The following GRID2 variants were observed in gnomAD, a reference collection of about 807,000 sequenced individuals.
GRID2 encodes glutamate receptor ionotropic, delta-2.
Under a neutral mutation model 114.8 loss-of-function variants are expected in GRID2, and 33 were observed. The observed-to-expected ratio is 0.29, with a 90% CI of 0.22 to 0.38. GRID2 has a LOEUF of 0.38. GRID2 is among the 10% of genes least tolerant of loss of function. The pLI, the probability that GRID2 is intolerant of heterozygous loss-of-function variation, is 1.00. For missense variants in GRID2, 1,184 were observed against 1,257.7 expected, an observed-to-expected ratio of 0.94 and a Z score of 0.89; for synonymous variants, 505 against 449.9, an observed-to-expected ratio of 1.12 and a Z score of -1.55.
At chr4:93,009,857 G>T (rs1023477086) in intron 2 of GRID2, among the ~76,000 whole-genome samples, 3 of 151,960 alleles carry the variant, frequency 2.0e-5, no homozygotes, top group Non-Finnish European at 4.4e-5. Context: ...ATTCAAGGTG[G>T]TGCCCTGATT....
intron 2 of GRID2, among the ~76,000 whole-genome samples, chr4:92,747,008 T>A (rs1737180248): frequency 6.6e-6 from 1 of 152,022 alleles, no homozygotes. Context: ...TTACTAAACA[T>A]ATAGAGAATT....
At chr4:93,424,806 A>C (rs1347058850) in intron 10 of GRID2, among the ~76,000 whole-genome samples, 2 of 152,088 alleles carry the variant, frequency 1.3e-5, no homozygotes, top group Non-Finnish European at 2.9e-5. Flanking sequence ...TATTCAAGTT[A>C]GATCACTTAA....
At chr4:93,256,700 C>G (rs1749634404) in intron 8 of GRID2, among the ~76,000 whole-genome samples, 1 of 151,762 alleles carries the variant, frequency 6.6e-6, no homozygotes, top group Middle Eastern at 3.4e-3. Flanking sequence ...TAGACATCAT[C>G]CACTTGAGAA....
At chr4:92,538,807 C>G (rs532489116) in intron 1 of GRID2, among the ~76,000 whole-genome samples, 2 of 152,084 alleles carry the variant, frequency 1.3e-5, no homozygotes, top group Non-Finnish European at 2.9e-5. Context: ...TGGTGAGTGT[C>G]ATTATTAAAA....
chr4:92,653,509 CT>C (rs1272012490), intron 2 of GRID2, among the ~76,000 whole-genome samples: 1 of 151,852 alleles, frequency 6.6e-6, no homozygotes, highest in African/African-American at 2.4e-5. Context: ...TGGTTTTCCC[CT>C]ATTATCTTGG....
At chr4:92,565,963 G>A (rs147247871) in intron 1 of GRID2, among the ~76,000 whole-genome samples, 2 of 152,076 alleles carry the variant, frequency 1.3e-5, no homozygotes, top group African/African-American at 4.8e-5. Flanking sequence ...GTATCACAAA[G>A]AAGAAATCAA....
chr4:92,969,300 AACT>A (rs1753347577), intron 2 of GRID2, among the ~76,000 whole-genome samples: 1 of 151,758 alleles, frequency 6.6e-6, no homozygotes, highest in Non-Finnish European at 1.5e-5. Flanking sequence ...TGAACAATCC[AACT>A]ATAGATAAAG....
At chr4:93,720,002 T>C (rs1310024707) in intron 14 of GRID2, among the ~76,000 whole-genome samples, 1 of 152,196 alleles carries the variant, frequency 6.6e-6, no homozygotes, top group African/African-American at 2.4e-5. Context: ...CCCACCTTAT[T>C]TTTTGATGAA....
At chr4:92,951,112 A>G (rs1465477163) in intron 2 of GRID2, among the ~76,000 whole-genome samples, 2 of 152,088 alleles carry the variant, frequency 1.3e-5, no homozygotes, top group African/African-American at 2.4e-5. Flanking sequence ...CACACTATCT[A>G]TTAGAAGTAC....
At chr4:92,653,831 C>A (rs1732098330) in intron 2 of GRID2, among the ~76,000 whole-genome samples, 1 of 152,050 alleles carries the variant, frequency 6.6e-6, no homozygotes, top group Admixed American at 6.6e-5. Flanking sequence ...ATGAAAGCTG[C>A]CCTTTGTAAT....
chr4:93,013,694 T>A (rs1722407996), intron 2 of GRID2, among the ~76,000 whole-genome samples: 1 of 152,030 alleles, frequency 6.6e-6, no homozygotes, highest in Non-Finnish European at 1.5e-5. Context: ...ATCCTACCTA[T>A]GTAAATCTGT....
intron 14 of GRID2, among the ~76,000 whole-genome samples, chr4:93,637,972 A>T (rs183439692): frequency 6.6e-6 from 1 of 152,254 alleles, no homozygotes; most frequent in Admixed American, 6.5e-5. Context: ...AGAATCTGAT[A>T]CTTCTAGACA....
chr4:93,341,771 A>G (rs777114386), intron 8 of GRID2, among the ~76,000 whole-genome samples: 1 of 152,162 alleles, frequency 6.6e-6, no homozygotes, highest in Non-Finnish European at 1.5e-5. Context: ...GGGGCAAGGT[A>G]TTTCAGCTTT....
At chr4:93,141,112 A>G (rs1735730121) in intron 4 of GRID2, among the ~76,000 whole-genome samples, 1 of 152,156 alleles carries the variant, frequency 6.6e-6, no homozygotes, top group Non-Finnish European at 1.5e-5. Flanking sequence ...TTTTATATTC[A>G]GGTTACTATA....
chr4:93,201,142 A>G (rs1242574553), intron 4 of GRID2, among the ~76,000 whole-genome samples: 1 of 152,208 alleles, frequency 6.6e-6, no homozygotes, highest in African/African-American at 2.4e-5. Flanking sequence ...CATAATATCA[A>G]TCAGTGAAAT....
intron 1 of GRID2, among the ~76,000 whole-genome samples, chr4:92,467,050 G>T (rs752943235): frequency 2.9e-4 from 44 of 151,532 alleles, no homozygotes; most frequent in Non-Finnish European, 5.8e-4. Flanking sequence ...TACTATTAGA[G>T]AACATTTTAA....
intron 13 of GRID2, among the ~76,000 whole-genome samples, chr4:93,620,727 G>A (rs1335093098): frequency 1.3e-5 from 2 of 152,118 alleles, no homozygotes; most frequent in African/African-American, 4.8e-5. Flanking sequence ...TTCTTCACCT[G>A]ACAAATGGAA....
intron 12 of GRID2, among the ~76,000 whole-genome samples, chr4:93,503,713 C>G (rs1484843068): frequency 6.6e-6 from 1 of 152,040 alleles, no homozygotes; most frequent in Non-Finnish European, 1.5e-5. Flanking sequence ...ATTCTTCGCT[C>G]ACTGCACAAA....
intron 8 of GRID2, among the ~76,000 whole-genome samples, chr4:93,395,397 T>G (rs1765233898): frequency 6.6e-6 from 1 of 152,018 alleles, no homozygotes; most frequent in Non-Finnish European, 1.5e-5. Flanking sequence ...TAAAGCACAT[T>G]GGGTACTGTC....
Sources: allele counts gnomAD v4.1 joint callset (sites outside exome capture counted in the v4.1 genomes callset), GRCh38; gene constraint gnomAD v4.1.1; transcripts MANE v1.5; gene names NCBI Gene and HGNC (gene_info 2026-07-23, HGNC 2026-07-21).